Variants in PCDH15 observed in about 807,000 individuals in gnomAD.
The protein encoded by PCDH15 is protocadherin-15.
Under a neutral mutation model 178.5 loss-of-function variants are expected in PCDH15, and 129 were observed. The observed-to-expected ratio is 0.72, with a 90% CI of 0.63 to 0.84. PCDH15 has a LOEUF of 0.84. PCDH15 is among the 40% of genes least tolerant of loss of function. The pLI is 0.00. For missense variants in PCDH15, 2,230 were observed against 2,099.9 expected, an observed-to-expected ratio of 1.06 and a Z score of -1.21; for synonymous variants, 800 against 732.0, an observed-to-expected ratio of 1.09 and a Z score of -1.50.
intron 2 of PCDH15, among the ~76,000 whole-genome samples, chr10:55,557,159 C>A (rs2132094210): frequency 6.6e-6 from 1 of 152,190 alleles, no homozygotes; most frequent in African/African-American, 2.4e-5. Context: ...CAATATTTAG[C>A]ACTAAAATAC....
intron 2 of PCDH15, among the ~76,000 whole-genome samples, chr10:55,509,619 C>A (rs1207325363): frequency 6.6e-6 from 1 of 151,826 alleles, no homozygotes; most frequent in Non-Finnish European, 1.5e-5. Context: ...ACAATTTACA[C>A]AAATGTTTTA....
intron 1 of PCDH15, among the ~76,000 whole-genome samples, chr10:54,781,162 G>C (rs1950320383): frequency 6.6e-6 from 1 of 152,008 alleles, no homozygotes; most frequent in Admixed American, 6.6e-5. Context: ...GGCTTTTTAA[G>C]AGATTATTTA....
chr10:54,965,442 C>T (rs1037432817), intron 2 of PCDH15, among the ~76,000 whole-genome samples: 15 of 152,002 alleles, frequency 9.9e-5, no homozygotes, highest in East Asian at 1.9e-4. Flanking sequence ...ATGTAAGACG[C>T]GTCTTTGCTC....
At chr10:55,231,789 A>T (rs1463237556) in intron 1 of PCDH15, among the ~76,000 whole-genome samples, 3 of 152,010 alleles carry the variant, frequency 2.0e-5, no homozygotes, top group Non-Finnish European at 4.4e-5. Flanking sequence ...ATCTTGTGAC[A>T]TCTTTGAAAT....
intron 3 of PCDH15, among the ~76,000 whole-genome samples, chr10:54,813,112 T>A (rs924970806): frequency 3.9e-5 from 6 of 152,300 alleles, no homozygotes; most frequent in African/African-American, 1.4e-4. Context: ...GCTCTCCTGT[T>A]TTCTCCTATG....
chr10:54,420,808 A>G (rs1955167093), intron 3 of PCDH15, among the ~76,000 whole-genome samples: 3 of 152,154 alleles, frequency 2.0e-5, no homozygotes, highest in South Asian at 4.1e-4. Flanking sequence ...CATTCTCAAC[A>G]TAAATGGAAA....
At position 54,387,791 on chromosome 10, in the gene PCDH15, T is replaced by G. The variant is rs1343992190; in HGVS notation, c.158-8849A>C. Among the ~76,000 whole-genome samples the G allele has an allele frequency of 3.3e-5, 5 of 152,316 alleles. No individual in the cohort carries two copies. In the East Asian group the frequency reaches 9.7e-4, roughly 29 times the overall value. ...TAAATTTGAGACAGCTCCCATCTCC[T>G]CGGCAGTATCACCTGATTAAAGCCT... On this transcript the variant is annotated intron_variant, in intron 3 of 37. Coordinates refer to ENST00000644397, the MANE Select transcript of PCDH15 (RefSeq NM_001384140.1).
At chr10:54,735,232 C>T (rs1182871678) in intron 1 of PCDH15, among the ~76,000 whole-genome samples, 2 of 151,924 alleles carry the variant, frequency 1.3e-5, no homozygotes, top group Admixed American at 6.6e-5. Flanking sequence ...TGCTTTTGAC[C>T]AATTTGGTTA....
chr10:55,021,386 A>C lies in PCDH15; in HGVS notation c.-79-123886T>G, dbSNP rs1276821918. 2.0e-5 allele frequency among the ~76,000 whole-genome samples: 3 copies of C among 152,180 alleles called. No individual in the cohort carries two copies. The East Asian group carries it at 5.8e-4, about 29-fold the overall frequency. On this transcript the variant is annotated intron_variant, in intron 2 of 5. Coordinates refer to the PCDH15 transcript ENST00000458638. ...TTATTTTCCACCAAAAAGTTACTGAATACTATGTGTAAGTTTGAAACGTTT... is the reference window on the plus strand; with the variant it reads ...TTATTTTCCACCAAAAAGTTACTGACTACTATGTGTAAGTTTGAAACGTTT...
At chr10:55,226,145 A>G (rs1841031466) in intron 1 of PCDH15, among the ~76,000 whole-genome samples, 1 of 152,076 alleles carries the variant, frequency 6.6e-6, no homozygotes, top group Admixed American at 6.5e-5. Flanking sequence ...GTTTCTAATC[A>G]GCTTTTTATT....
intron 2 of PCDH15, among the ~76,000 whole-genome samples, chr10:54,929,797 G>A (rs933565930): frequency 6.6e-6 from 1 of 152,230 alleles, no homozygotes; most frequent in Admixed American, 6.5e-5. Context: ...GGAGCTGTGT[G>A]AGGAATTCAC....
intron 8 of PCDH15, among the ~76,000 whole-genome samples, chr10:54,241,293 A>G (rs1012785009): frequency 2.6e-5 from 4 of 152,190 alleles, no homozygotes; most frequent in Non-Finnish European, 4.4e-5. Context: ...TTTACTGCCT[A>G]TATTACAGAG....
chr10:54,543,949 T>C (rs2085547935), intron 2 of PCDH15, among the ~76,000 whole-genome samples: 2 of 152,166 alleles, frequency 1.3e-5, no homozygotes, highest in African/African-American at 4.8e-5. Context: ...AACCTTCTCT[T>C]TGTTCTTCAG....
At chr10:54,814,606 G>A (rs566257713) in intron 3 of PCDH15, among the ~76,000 whole-genome samples, 8 of 152,170 alleles carry the variant, frequency 5.3e-5, no homozygotes, top group Admixed American at 4.6e-4. Context: ...TTCTGATCTG[G>A]TCAACACTTT....
chr10:55,102,189 A>G (rs1448023370), intron 2 of PCDH15, among the ~76,000 whole-genome samples: 1 of 151,898 alleles, frequency 6.6e-6, no homozygotes, highest in Non-Finnish European at 1.5e-5. Flanking sequence ...TGTTTTCAGT[A>G]TGTTTTTTCC....
chr10:54,470,182 T>G (rs2077808698), intron 3 of PCDH15, among the ~76,000 whole-genome samples: 1 of 152,096 alleles, frequency 6.6e-6, no homozygotes, highest in Non-Finnish European at 1.5e-5. Flanking sequence ...GCTGTGGGGT[T>G]GGGGTGGGGA....
At chr10:54,484,382 C>A (rs1421674230) in intron 3 of PCDH15, among the ~76,000 whole-genome samples, 1 of 151,920 alleles carries the variant, frequency 6.6e-6, no homozygotes, top group African/African-American at 2.4e-5. Flanking sequence ...ACCTTTAATA[C>A]ATTCATAATG....
chr10:53,917,407 A>C (rs961013226), intron 25 of PCDH15, among the ~76,000 whole-genome samples: 2 of 152,208 alleles, frequency 1.3e-5, no homozygotes, highest in Non-Finnish European at 2.9e-5. Flanking sequence ...TTTATGCCCC[A>C]AAACTAATGC....
intron 3 of PCDH15, among the ~76,000 whole-genome samples, chr10:54,496,424 C>A (rs569782830): frequency 4.6e-5 from 7 of 152,046 alleles, no homozygotes; most frequent in Non-Finnish European, 1.0e-4. Context: ...TATTTTGCAA[C>A]CATGAAACAA....
Sources: gnomAD v4.1 joint callset for allele counts (sites outside exome capture counted in the v4.1 genomes callset) on GRCh38, gnomAD v4.1.1 for gene constraint, MANE v1.5 for transcripts, NCBI Gene and HGNC (gene_info 2026-07-23, HGNC 2026-07-21) for gene names.